C6orf163: variants seen among roughly 807,000 people sequenced by gnomAD.
C6orf163 encodes uncharacterized protein C6orf163.
C6orf163 carries 22 observed loss-of-function variants against 28.4 expected under a neutral mutation model. The observed-to-expected ratio is 0.78, with a 90% CI of 0.55 to 1.11. C6orf163 has a LOEUF of 1.11. Among genes scored for constraint, C6orf163 ranks in the 50% least tolerant of loss-of-function variants. C6orf163 has a pLI of 0.00. For missense variants in C6orf163, 342 were observed against 389.1 expected (o/e 0.88, Z 1.02); for synonymous variants, 110 against 123.6 (o/e 0.89, Z 0.73).
intron 3 of C6orf163, among the ~76,000 whole-genome samples, chr6:87,352,660 T>C (rs1313421280): frequency 1.3e-5 from 2 of 152,124 alleles, no homozygotes; most frequent in Admixed American, 1.3e-4. Context: ...GTAGAAAATA[T>C]AGTAAAGTCA....
intron 3 of C6orf163, among the ~76,000 whole-genome samples, chr6:87,354,837 G>A (rs573797945): frequency 6.6e-6 from 1 of 152,298 alleles, no homozygotes; most frequent in Admixed American, 6.5e-5. Flanking sequence ...AGAAGCTGAA[G>A]CAATTTCAGT....
At chr6:87,355,685 G>A (rs185080073) in intron 3 of C6orf163, among the ~76,000 whole-genome samples, 49 of 152,174 alleles carry the variant, frequency 3.2e-4, no homozygotes, top group African/African-American at 1.1e-3. Flanking sequence ...GCACAGTTAC[G>A]TTGTTGGCCT....
intron 4 of C6orf163, 123 bp downstream of exon 4, chr6:87,356,626 A>T (rs977315092): frequency 7.3e-6 from 6 of 821,652 alleles, no homozygotes; most frequent in Non-Finnish European, 1.1e-5. Context: ...CATTTTTATT[A>T]TGGAAAATAC....
intron 3 of C6orf163, among the ~76,000 whole-genome samples, chr6:87,355,635 G>A (rs967125968): frequency 6.6e-6 from 1 of 152,108 alleles, no homozygotes; most frequent in African/African-American, 2.4e-5. Flanking sequence ...TCTTTATAAT[G>A]TTATATTTCT....
intron 1 of C6orf163, 73 bp downstream of exon 1, chr6:87,345,320 C>T: frequency 7.4e-7 from 1 of 1,356,966 alleles, no homozygotes; most frequent in South Asian, 1.7e-5. Flanking sequence ...GTTACATAGA[C>T]TTTTATCAGC....
At chr6:87,348,684 A>G (rs1163857172) in intron 1 of C6orf163, 128 bp from the exon 2 acceptor site, 30 of 1,431,012 alleles carry the variant, frequency 2.1e-5, no homozygotes, top group Middle Eastern at 1.8e-4. Context: ...TCTTTGAAAT[A>G]TATATACTGG....
Position 87,365,417 on chromosome 6 carries a change from A to C in C6orf163, c.*21A>C, listed in dbSNP as rs1438058344. 7.3e-7 allele frequency: 1 copy of C among 1,364,458 alleles called. No individual in the cohort carries two copies. Among genetic ancestry groups the C allele is most frequent in the Non-Finnish European group, 1.0e-6 (1 of 1,003,706 alleles). 84.5% of individuals were successfully genotyped at this position (1,364,458 alleles called of 1,614,324 possible). A position where few individuals can be genotyped will look rare whatever the true frequency, so the allele number is the denominator to read the frequency against. ...ATTAGAAGTCTTCAGTTGAAATTCC[A>C]CTACAAAAGACATCATTCCAGACTA... is the stretch of plus-strand genomic sequence containing the variant. On this transcript the variant is annotated 3_prime_UTR_variant, in exon 5 of 5. Transcript: ENST00000388923.
chr6:87,355,881 C>T (rs1777493234), intron 3 of C6orf163, among the ~76,000 whole-genome samples: 5 of 152,116 alleles, frequency 3.3e-5, no homozygotes, highest in Admixed American at 3.3e-4. Flanking sequence ...TCCTTAGTTC[C>T]CTCCTACCCA....
chr6:87,361,741 T>C (rs1241697783), intron 4 of C6orf163, among the ~76,000 whole-genome samples: 3 of 152,184 alleles, frequency 2.0e-5, no homozygotes, highest in Admixed American at 6.5e-5. Context: ...GTGACCCGGG[T>C]TGAAAATCAG....
intron 3 of C6orf163, among the ~76,000 whole-genome samples, chr6:87,351,373 G>T (rs993980961): frequency 6.6e-6 from 1 of 152,178 alleles, no homozygotes; most frequent in Non-Finnish European, 1.5e-5. Flanking sequence ...CAATTTATTC[G>T]TTGTTGCAAC....
chr6:87,364,420 T>G (rs1227036313), intron 4 of C6orf163, among the ~76,000 whole-genome samples: 3 of 152,182 alleles, frequency 2.0e-5, no homozygotes, highest in Non-Finnish European at 2.9e-5. Flanking sequence ...TGCCTATAAC[T>G]CATATAAACA....
chr6:87,361,355 G>T (rs1250534276), intron 4 of C6orf163, among the ~76,000 whole-genome samples: 2 of 152,100 alleles, frequency 1.3e-5, no homozygotes, highest in East Asian at 3.9e-4. Context: ...AGCAGTAAGA[G>T]ATTTTGATAT....
chr6:87,350,422 A>G lies in C6orf163; in HGVS notation c.272A>G (p.Glu91Gly). 6.5e-7 allele frequency: 1 copy of G among 1,535,090 alleles called. No individual in the cohort carries two copies. ...QANERQKQAV[E>G]KALEEANDRH... ...AATGAACGTCAAAAACAAGCAGTGGAGAAAGCACTTGAAGAAGCAAATGAC... is the reference window on the plus strand; with the variant it reads ...AATGAACGTCAAAAACAAGCAGTGGGGAAAGCACTTGAAGAAGCAAATGAC... Residue 91 changes from glutamate (E) to glycine (G), a missense_variant, in exon 3 of 5, where the codon GAG becomes GGG. Glu to Gly is a moderately conservative substitution (Grantham distance 98, BLOSUM62 -2). Coordinates refer to ENST00000388923, the MANE Select transcript of C6orf163 (RefSeq NM_001010868.3).
At chr6:87,347,836 A>G in intron 1 of C6orf163, 1 of 985,502 alleles carries the variant, frequency 1.0e-6, no homozygotes, top group Non-Finnish European at 1.2e-6. Context: ...AGATAGCTCT[A>G]AGAATCTATT....
chr6:87,348,703 A>T (rs1777366314), intron 1 of C6orf163, 109 bp from the exon 2 acceptor site: 8 of 1,455,658 alleles, frequency 5.5e-6, no homozygotes, highest in Non-Finnish European at 7.2e-6. Flanking sequence ...GGCATCTCCT[A>T]AAAGGACGTG....
rs569709722 is a variant in C6orf163, at chr6:87,354,112, A to G, written c.352-2189A>G. Among the ~76,000 whole-genome samples, 5 of 151,800 alleles carry G rather than the reference A, an allele frequency of 3.3e-5. No homozygotes were observed. In the South Asian group the frequency reaches 1.0e-3, roughly 32 times the overall value. ...GGCCTCCAATCGTCTGCCCTCCTCA[A>G]CCTCCCAAAGTGCTGGGATTATAGG... On this transcript the variant is annotated intron_variant, in intron 3 of 4. Transcript: ENST00000388923.
At chr6:87,354,154 CAG>C (rs1223363326) in intron 3 of C6orf163, among the ~76,000 whole-genome samples, 7 of 152,288 alleles carry the variant, frequency 4.6e-5, no homozygotes, top group African/African-American at 9.6e-5. Context: ...CCACCACACC[CAG>C]CAGGGTTGCT....
At chr6:87,355,908 G>A (rs1482238530) in intron 3 of C6orf163, among the ~76,000 whole-genome samples, 3 of 152,184 alleles carry the variant, frequency 2.0e-5, no homozygotes, top group African/African-American at 7.2e-5. Flanking sequence ...ACGAGGCATA[G>A]TAATTATTTC....
intron 4 of C6orf163, chr6:87,358,269 C>T (rs1777535010): frequency 6.6e-6 from 1 of 151,642 alleles, no homozygotes; most frequent in African/African-American, 2.4e-5. Flanking sequence ...TGATTAGATT[C>T]TAAACAGATT....
Sources: gnomAD v4.1 joint callset for allele counts (sites outside exome capture counted in the v4.1 genomes callset) on GRCh38, gnomAD v4.1.1 for gene constraint, MANE v1.5 for transcripts, NCBI Gene and HGNC (gene_info 2026-07-23, HGNC 2026-07-21) for gene names.